NUP210: variants seen among roughly 807,000 people sequenced by gnomAD.
The protein encoded by NUP210 is nucleoporin 210.
Under a neutral mutation model 196.0 loss-of-function variants are expected in NUP210, and 151 were observed. The observed-to-expected ratio is 0.77, with a 90% CI of 0.67 to 0.88. The LOEUF is 0.88. Ranked by LOEUF, NUP210 falls within the 40% of genes least tolerant of loss-of-function variation. The pLI, the probability that NUP210 is intolerant of heterozygous loss-of-function variation, is 0.00. For missense variants in NUP210, 2,314 were observed against 2,493.7 expected, an observed-to-expected ratio of 0.93 and a Z score of 1.53; for synonymous variants, 1,070 against 1,052.7, an observed-to-expected ratio of 1.02 and a Z score of -0.32.
In NUP210 at chr3:13,323,490, G is replaced by A. The variant is rs1696622949; in HGVS notation, c.4645-58C>T. 1 of 1,596,500 alleles carries A rather than the reference G, an allele frequency of 6.3e-7. No individual in the cohort carries two copies. Among genetic ancestry groups the A allele is most frequent in the Non-Finnish European group, 8.6e-7 (1 of 1,168,894 alleles). On this transcript the variant is annotated intron_variant, in intron 33 of 39. Transcript: ENST00000254508. The surrounding 1 kb of genome is among the most constrained non-coding windows in gnomAD (Gnocchi z 4.3). ...GCCGCCTGTGTCCCGGTCCATGCTG[G>A]GCGTTTCCACAACCTCACCCTGCAG... is the stretch of plus-strand genomic sequence containing the variant.
intron 13 of NUP210, among the ~76,000 whole-genome samples, chr3:13,368,291 G>T (rs1418507576): frequency 6.6e-6 from 1 of 152,026 alleles, no homozygotes; most frequent in African/African-American, 2.4e-5. Context: ...TGCTGAGGCT[G>T]GTCTCAAACT....
chr3:13,359,293 A>G (rs1004250664), intron 15 of NUP210, among the ~76,000 whole-genome samples: 1 of 152,212 alleles, frequency 6.6e-6, no homozygotes, highest in Non-Finnish European at 1.5e-5. Context: ...GGGTCATGCC[A>G]GGGATAAGAA....
chr3:13,400,955 T>C (rs1464687471), intron 1 of NUP210, among the ~76,000 whole-genome samples: 1 of 151,944 alleles, frequency 6.6e-6, no homozygotes, highest in Non-Finnish European at 1.5e-5. Flanking sequence ...AACTGCCTGG[T>C]GTCAAAAAGC....
intron 19 of NUP210, 43 bp downstream of exon 19, chr3:13,352,037 C>T: frequency 1.2e-6 from 2 of 1,604,020 alleles, no homozygotes; most frequent in South Asian, 2.2e-5. Flanking sequence ...GAGGAGTCCC[C>T]CCGTGGGTCT....
In NUP210 at chr3:13,360,495, G is replaced by A. The variant is rs908426964; in HGVS notation, c.1933-4C>T. On this transcript the variant is annotated splice_polypyrimidine_tract_variant and splice_region_variant and intron_variant, in intron 14 of 39. Coordinates refer to ENST00000254508, the MANE Select transcript of NUP210 (RefSeq NM_024923.4). ...CAACAGAGGAGGGATCCACAGCCTG[G>A]GGACAGAAGAGGCAGAAGACTTGGC... The A allele has an allele frequency of 3.7e-6, 6 of 1,602,932 alleles. No homozygotes were observed. The highest frequency in any genetic ancestry group is 1.3e-5 in the African/African-American group (1 of 74,790).
intron 4 of NUP210, among the ~76,000 whole-genome samples, chr3:13,390,471 C>T (rs973578194): frequency 3.3e-5 from 5 of 152,264 alleles, no homozygotes; most frequent in Non-Finnish European, 7.3e-5. Context: ...GGCTCTGCTC[C>T]TGCCCTGTCC....
rs900218276 is a variant in NUP210 at position 13,347,984 on chromosome 3, G to A, written c.2835+3895C>T. Among the ~76,000 whole-genome samples the A allele has an allele frequency of 3.3e-5, 5 of 152,188 alleles. No individual in the cohort carries two copies. Among genetic ancestry groups the A allele is most frequent in the South Asian group, 2.1e-4 (1 of 4,838 alleles). ...GGAAACTTCTGGACCAGAGCAGTTC[G>A]CAGGGCCTGTGGCACGGGCTGCTGC... is the stretch of plus-strand genomic sequence containing the variant. On this transcript the variant is annotated intron_variant, in intron 20 of 39. Coordinates refer to ENST00000254508, the MANE Select transcript of NUP210 (RefSeq NM_024923.4). The surrounding 1 kb of genome is among the most constrained non-coding windows in gnomAD (Gnocchi z 4.7).
At chr3:13,372,750 G>A (rs1024686282) in intron 12 of NUP210, among the ~76,000 whole-genome samples, 1 of 152,298 alleles carries the variant, frequency 6.6e-6, no homozygotes, top group Non-Finnish European at 1.5e-5. Flanking sequence ...TGAAGGGAAA[G>A]GGCAGGCTCC....
At chr3:13,395,108 AG>A (rs949698657) in intron 3 of NUP210, among the ~76,000 whole-genome samples, 4 of 152,008 alleles carry the variant, frequency 2.6e-5, no homozygotes, top group African/African-American at 9.7e-5. Flanking sequence ...CCTCCAGGAG[AG>A]GGGGGAGTGT....
chr3:13,333,232 A>G (rs6769425), intron 28 of NUP210, among the ~76,000 whole-genome samples: 83,443 of 152,086 alleles, frequency 0.55, 23,331 homozygotes, highest in African/African-American at 0.64. Flanking sequence ...TGGGAACTCC[A>G]GGCCCCTTCT....
intron 28 of NUP210, among the ~76,000 whole-genome samples, chr3:13,332,982 C>T (rs1172926114): frequency 2.0e-5 from 3 of 152,244 alleles, no homozygotes; most frequent in African/African-American, 7.2e-5. Flanking sequence ...CCTTCTCTCA[C>T]AGAGACATCC....
intron 8 of NUP210, among the ~76,000 whole-genome samples, chr3:13,377,830 C>A (rs1279123369): frequency 6.7e-6 from 1 of 149,978 alleles, no homozygotes; most frequent in African/African-American, 2.5e-5. Flanking sequence ...GGAGGCCCCA[C>A]ACCACCCACC....
At chr3:13,403,021 C>A (rs987430026) in intron 1 of NUP210, among the ~76,000 whole-genome samples, 11 of 152,220 alleles carry the variant, frequency 7.2e-5, no homozygotes, top group African/African-American at 2.7e-4. Context: ...GGAACAGCAC[C>A]ACTGCCCTAA....
chr3:13,411,321 C>T (rs1447701327), intron 1 of NUP210, among the ~76,000 whole-genome samples: 8 of 152,192 alleles, frequency 5.3e-5, no homozygotes, highest in Non-Finnish European at 1.0e-4. Flanking sequence ...GCGCATTTCC[C>T]CAGGCATCTG....
In NUP210 at chr3:13,358,203, G is replaced by A. The variant is rs757924186; in HGVS notation, c.2328+19C>T. ...GCGGGTGGCACCCTCACCTCCTCCC[G>A]AGCATAGCCCACACTCACCACCTGC... On this transcript the variant is annotated intron_variant, in intron 16 of 39. Coordinates refer to ENST00000254508, the MANE Select transcript of NUP210 (RefSeq NM_024923.4). 1.6e-5 allele frequency: 26 copies of A among 1,581,040 alleles called. No homozygotes were observed. The highest frequency in any genetic ancestry group is 4.2e-4 in the Middle Eastern group (2 of 4,714).
In NUP210 at chr3:13,340,225, T is replaced by G; in HGVS notation, c.3291+11A>C. The G allele has an allele frequency of 6.2e-7, 1 of 1,613,448 alleles. No homozygotes were observed. The highest frequency in any genetic ancestry group is 8.5e-7 in the Non-Finnish European group (1 of 1,179,996). ...TGGGGCTGGAGCAGGACGTGGCCTCTTGGCTCTCACCTGCATCGTGGCCCC... is the reference window on the plus strand; with the variant it reads ...TGGGGCTGGAGCAGGACGTGGCCTCGTGGCTCTCACCTGCATCGTGGCCCC... On this transcript the variant is annotated intron_variant, in intron 24 of 39. Transcript: ENST00000254508. The surrounding 1 kb of genome is among the most constrained non-coding windows in gnomAD (Gnocchi z 4.0).
chr3:13,353,460 C>G, intron 18 of NUP210, 94 bp downstream of exon 18: 2 of 1,059,718 alleles, frequency 1.9e-6, no homozygotes, highest in Non-Finnish European at 2.9e-6. Flanking sequence ...CAGACAGTGA[C>G]TCAGGACACT....
chr3:13,348,718 T>C lies in NUP210; in HGVS notation c.2835+3161A>G, dbSNP rs1412882489. ...CAACCACAAGCATGTCCCCAGCTGC[T>C]GAGGGCGTCCTGCCATCCAAGGGTC... On this transcript the variant is annotated intron_variant, in intron 20 of 39. Coordinates refer to ENST00000254508, the MANE Select transcript of NUP210 (RefSeq NM_024923.4). This position sits in a 1 kb window ranked among gnomAD's most constrained non-coding sequence, Gnocchi z 4.0. The C allele has an allele frequency of 1.0e-6, 1 of 985,228 alleles. No homozygotes were observed. The highest frequency in any genetic ancestry group is 1.7e-5 in the African/African-American group (1 of 57,206). 61.0% of individuals were successfully genotyped at this position (985,228 alleles called of 1,614,324 possible). A position where few individuals can be genotyped will look rare whatever the true frequency, so the allele number is the denominator to read the frequency against.
At chr3:13,381,917 G>A (rs1348287546) in intron 6 of NUP210, among the ~76,000 whole-genome samples, 1 of 151,934 alleles carries the variant, frequency 6.6e-6, no homozygotes, top group East Asian at 1.9e-4. Flanking sequence ...GCGGAGCTGG[G>A]TCTGAGTCAA....
Sources: gnomAD v4.1 joint callset for allele counts (sites outside exome capture counted in the v4.1 genomes callset) on GRCh38, gnomAD v4.1.1 for gene constraint, Gnocchi (gnomAD v3.1) non-coding constraint, MANE v1.5 for transcripts, NCBI Gene and HGNC (gene_info 2026-07-23, HGNC 2026-07-21) for gene names.